Variants in CD276 observed in about 807,000 individuals in gnomAD.
The protein encoded by CD276 is CD276 molecule, also known as CD276 antigen.
Under a neutral mutation model 50.0 loss-of-function variants are expected in CD276, and 34 were observed. The observed-to-expected ratio is 0.68, with a 90% CI of 0.52 to 0.91. The LOEUF (loss-of-function observed/expected upper bound fraction) is 0.91. Among genes scored for constraint, CD276 ranks in the 40% least tolerant of loss-of-function variants. CD276 has a pLI of 0.00. For synonymous variants in CD276, 275 were observed against 313.0 expected (o/e 0.88, Z 1.28); for missense variants, 634 against 717.5 (o/e 0.88, Z 1.33).
chr15:73,700,391 G>A (rs1900330555), intron 2 of CD276, among the ~76,000 whole-genome samples: 1 of 152,158 alleles, frequency 6.6e-6, no homozygotes, highest in Non-Finnish European at 1.5e-5. Context: ...TCTGCTCTGA[G>A]ACGGCTTCCT....
intron 1 of CD276, among the ~76,000 whole-genome samples, chr15:73,686,006 T>C (rs1482230100): frequency 6.6e-6 from 1 of 152,202 alleles, no homozygotes; most frequent in African/African-American, 2.4e-5. Flanking sequence ...CGTGGAAATT[T>C]ACATACGTCA....
intron 1 of CD276, among the ~76,000 whole-genome samples, chr15:73,689,154 T>G (rs1899878811): frequency 6.6e-6 from 1 of 151,868 alleles, no homozygotes; most frequent in Non-Finnish European, 1.5e-5. Context: ...CTGGGCCCAA[T>G]GTAGCTTTCA....
Position 73,687,813 on chromosome 15 carries a change from G to A in CD276, c.-55+3353G>A, listed in dbSNP as rs148651568. Among the ~76,000 whole-genome samples, 212 of 152,326 alleles carry A rather than the reference G, an allele frequency of 1.4e-3. 1 individual carries two copies. Among genetic ancestry groups the A allele is most frequent in the African/African-American group, 4.9e-3 (202 of 41,568 alleles). On this transcript the variant is annotated intron_variant, in intron 1 of 9. Coordinates refer to ENST00000318443, the MANE Select transcript of CD276 (RefSeq NM_001024736.2). This position sits in a 1 kb window ranked among gnomAD's most constrained non-coding sequence, Gnocchi z 4.0. ...TAGGGAGCTTAATCTGCGGGAAGTG[G>A]AGTGAGAAGCATTTCTTGCTGGGAG...
intron 7 of CD276, among the ~76,000 whole-genome samples, chr15:73,708,939 G>A (rs889504209): frequency 2.6e-5 from 4 of 152,230 alleles, no homozygotes; most frequent in African/African-American, 9.6e-5. Flanking sequence ...GGGTCAGCCC[G>A]AGCTGGCATT....
At chr15:73,683,957 G>C (rs1899634668), upstream of CD276, 1 of 152,342 alleles carries the variant, frequency 6.6e-6, no homozygotes, top group South Asian at 2.1e-4. Flanking sequence ...CCTCGCAGTC[G>C]AGTTAACCCT....
Position 73,713,075 on chromosome 15 carries a change from C to A in CD276, c.*119C>A. 1.1e-6 allele frequency: 1 copy of A among 878,046 alleles called. No individual in the cohort carries two copies. The highest frequency in any genetic ancestry group is 1.8e-6 in the Non-Finnish European group (1 of 560,096). 54.4% of individuals were successfully genotyped at this position (878,046 alleles called of 1,614,324 possible). A position where few individuals can be genotyped will look rare whatever the true frequency, so the allele number is the denominator to read the frequency against. Reference sequence around the variant, plus strand: ...TCCTGCTCTGACAGGTGGGCTCCTTCTCCAAAGGATGCGATACACAGACCA... The same window carrying A: ...TCCTGCTCTGACAGGTGGGCTCCTTATCCAAAGGATGCGATACACAGACCA... On this transcript the variant is annotated 3_prime_UTR_variant, in exon 10 of 10. Coordinates refer to ENST00000318443, the MANE Select transcript of CD276 (RefSeq NM_001024736.2).
intron 1 of CD276, among the ~76,000 whole-genome samples, chr15:73,697,045 G>A (rs756683247): frequency 6.6e-5 from 10 of 152,166 alleles, no homozygotes; most frequent in African/African-American, 1.4e-4. Flanking sequence ...CTGGGCGTTC[G>A]TTCATCCTTA....
At chr15:73,693,754 T>C (rs1421500694) in intron 1 of CD276, among the ~76,000 whole-genome samples, 1 of 152,034 alleles carries the variant, frequency 6.6e-6, no homozygotes, top group Non-Finnish European at 1.5e-5. Context: ...ATGAGGACTG[T>C]TGTGGGCTGT....
chr15:73,703,116 AG>A (rs1249529900), intron 4 of CD276, 30 bp downstream of exon 4: 4 of 1,542,908 alleles, frequency 2.6e-6, no homozygotes, highest in East Asian at 2.4e-5. Flanking sequence ...CCCTTGGGGG[AG>A]GGGGGTTCTG....
rs577717498 is a variant in CD276 at position 73,703,043 on chromosome 15, T to G, written c.690T>G (p.Asp230Glu). 10 of 1,612,862 alleles carry G rather than the reference T, an allele frequency of 6.2e-6. No individual in the cohort carries two copies. The highest frequency in any genetic ancestry group is 1.7e-5 in the Admixed American group (1 of 59,824). ...TGCGCAACCCCGTGCTGCAGCAGGATGCGCACAGCTCTGTCACCATCACAC... is the reference window on the plus strand; with the variant it reads ...TGCGCAACCCCGTGCTGCAGCAGGAGGCGCACAGCTCTGTCACCATCACAC... ...CLVRNPVLQQ[D>E]AHSSVTITPQ... is the part of the protein sequence containing the mutation. Residue 230 changes from aspartate to glutamate, a missense_variant, in exon 4 of 10, where the codon GAT (aspartate) becomes GAG (glutamate). By Grantham distance (45) the Asp-to-Glu change is conservative (BLOSUM62 2). Transcript: ENST00000318443.
At chr15:73,700,502 G>A (rs1900336863) in intron 2 of CD276, among the ~76,000 whole-genome samples, 1 of 152,144 alleles carries the variant, frequency 6.6e-6, no homozygotes, top group Admixed American at 6.5e-5. Context: ...AGCAAGAAAG[G>A]GTTTTGTCTG....
At chr15:73,696,352 T>C (rs1206174172) in intron 1 of CD276, among the ~76,000 whole-genome samples, 1 of 152,122 alleles carries the variant, frequency 6.6e-6, no homozygotes, top group Non-Finnish European at 1.5e-5. Context: ...ACCAGCTCTG[T>C]GTTCACAGGA....
In CD276 at chr15:73,702,549, G is replaced by A; in HGVS notation, c.374G>A (p.Ser125Asn). 6.2e-7 allele frequency: 1 copy of A among 1,611,626 alleles called. No individual in the cohort carries two copies. The highest frequency in any genetic ancestry group is 1.1e-5 in the South Asian group (1 of 91,024). The change falls in exon 3 of 10, where the codon AGC (serine) becomes AAC (asparagine). Residue 125 changes from serine to asparagine, a missense_variant. Coordinates refer to ENST00000318443, the MANE Select transcript of CD276 (RefSeq NM_001024736.2). ...ADEGSFTCFV[S>N]IRDFGSAAVS... is the part of the protein sequence containing the mutation. ...GAGGGCAGCTTCACCTGCTTCGTGA[G>A]CATCCGGGATTTCGGCAGCGCTGCC... is the stretch of plus-strand genomic sequence containing the variant.
At position 73,703,886 on chromosome 15, in the gene CD276, G is replaced by A; in HGVS notation, c.961G>A (p.Gly321Ser). ...CCTCTTCCCGGACCTGCTGGCACAA[G>A]GCAATGCATCCCTGAGGCTGCAGCG... is the stretch of plus-strand genomic sequence containing the variant. ...TALFPDLLAQ[G>S]NASLRLQRVR... Residue 321 changes from glycine (G) to serine (S), a missense_variant, in exon 5 of 10, where the codon GGC becomes AGC. Physicochemically the swap from Gly to Ser is moderately conservative, Grantham distance 56 (BLOSUM62 0). Transcript: ENST00000318443. The A allele has an allele frequency of 6.2e-7, 1 of 1,613,750 alleles. No individual in the cohort carries two copies. The highest frequency in any genetic ancestry group is 8.5e-7 in the Non-Finnish European group (1 of 1,180,010).
intron 6 of CD276, among the ~76,000 whole-genome samples, chr15:73,705,619 C>T (rs1292665880): frequency 1.3e-5 from 2 of 152,226 alleles, no homozygotes; most frequent in South Asian, 2.1e-4. Context: ...GAGACATGTC[C>T]TTGACCTTTT....
chr15:73,708,444 T>C lies in CD276; in HGVS notation c.1475T>C (p.Ile492Thr), dbSNP rs1471946271. Reference sequence around the variant, plus strand: ...CTGGCTTTCGTGTGCTGGAGAAAGATCAAACAGAGCTGTGAGGAGGAGAAT... The same window carrying C: ...CTGGCTTTCGTGTGCTGGAGAAAGACCAAACAGAGCTGTGAGGAGGAGAAT... Reference protein sequence around the residue: ...VALAFVCWRKIKQSCEEENAG... With the variant: ...VALAFVCWRKTKQSCEEENAG... The change falls in exon 7 of 10, where the codon ATC becomes ACC. Residue 492 changes from isoleucine (I) to threonine (T), a missense_variant. Physicochemically the swap from Ile to Thr is moderately conservative, Grantham distance 89. Transcript: ENST00000318443. 1 of 1,613,780 alleles carries C rather than the reference T, an allele frequency of 6.2e-7. No homozygotes were observed. The highest frequency in any genetic ancestry group is 1.7e-5 in the Admixed American group (1 of 59,970).
upstream of CD276, chr15:73,683,971 T>A (rs1899634986): frequency 6.6e-6 from 1 of 152,396 alleles, no homozygotes; most frequent in African/African-American, 2.4e-5. Context: ...TAACCCTTTC[T>A]GGGCTGTGGT....
intron 1 of CD276, among the ~76,000 whole-genome samples, chr15:73,692,186 C>G (rs117246148): frequency 5.1e-4 from 78 of 152,172 alleles, no homozygotes; most frequent in Non-Finnish European, 8.2e-4. Flanking sequence ...CGAGATGTCT[C>G]CTCCTCTGTG....
At chr15:73,700,020 A>G (rs553258662) in intron 2 of CD276, among the ~76,000 whole-genome samples, 51 of 152,084 alleles carry the variant, frequency 3.4e-4, no homozygotes, top group Non-Finnish European at 6.6e-4. Context: ...CTGCCCCTAA[A>G]CGTCTGCATG....
Sources: allele counts gnomAD v4.1 joint callset (sites outside exome capture counted in the v4.1 genomes callset), GRCh38; gene constraint gnomAD v4.1.1; non-coding constraint Gnocchi (gnomAD v3.1); transcripts MANE v1.5; gene names NCBI Gene and HGNC (gene_info 2026-07-23, HGNC 2026-07-21).